The following ZSWIM5 variants were observed in gnomAD, a reference collection of about 807,000 sequenced individuals.
ZSWIM5 encodes zinc finger SWIM domain-containing protein 5.
ZSWIM5 carries 55 observed loss-of-function variants against 119.6 expected under a neutral mutation model. The observed-to-expected ratio is 0.46, with a 90% CI of 0.37 to 0.58. The LOEUF (loss-of-function observed/expected upper bound fraction) is 0.58. Ranked by LOEUF, ZSWIM5 falls within the 20% of genes least tolerant of loss-of-function variation. ZSWIM5 has a pLI of 0.00. For synonymous variants in ZSWIM5, 537 were observed against 606.9 expected, an observed-to-expected ratio of 0.88 and a Z score of 1.69; for missense variants, 1,193 against 1,512.8, an observed-to-expected ratio of 0.79 and a Z score of 3.51.
At chr1:45,170,766 T>G (rs973706116) in intron 1 of ZSWIM5, among the ~76,000 whole-genome samples, 1 of 149,750 alleles carries the variant, frequency 6.7e-6, no homozygotes, top group Non-Finnish European at 1.5e-5. Context: ...TCTGTTGAGA[T>G]GGGGTCTTGC....
intron 1 of ZSWIM5, among the ~76,000 whole-genome samples, chr1:45,203,258 A>G (rs780337832): frequency 2.6e-4 from 39 of 152,182 alleles, no homozygotes; most frequent in Middle Eastern, 6.8e-3. Flanking sequence ...TTTTGTGTGG[A>G]AAGTAATTAG....
chr1:45,110,121 C>A (rs1645508111), intron 1 of ZSWIM5, among the ~76,000 whole-genome samples: 1 of 152,164 alleles, frequency 6.6e-6, no homozygotes. Flanking sequence ...CCCACCTTGG[C>A]CTCCCAAAGT....
chr1:45,044,377 C>T (rs1645034609), intron 5 of ZSWIM5, among the ~76,000 whole-genome samples: 1 of 151,672 alleles, frequency 6.6e-6, no homozygotes, highest in Non-Finnish European at 1.5e-5. Context: ...TGTTTGAGTC[C>T]AGGAGTTTGA....
rs1014561982 is a variant in ZSWIM5, at chr1:45,206,412, G to C, written c.-62C>G. ...CTGCTCGGGCTGCGGCGGAGACCCT[G>C]GCCACGGCCACGCGCCCCGCGCAAG... On this transcript the variant is annotated 5_prime_UTR_variant, in exon 1 of 14. Transcript: ENST00000359600. 412 of 1,295,644 alleles carry C rather than the reference G, an allele frequency of 3.2e-4. 6 individuals are homozygous for C. In the East Asian group the frequency reaches 0.013, roughly 40 times the overall value. 80.3% of individuals were successfully genotyped at this position (1,295,644 alleles called of 1,614,324 possible).
intron 1 of ZSWIM5, among the ~76,000 whole-genome samples, chr1:45,098,552 T>C (rs995569928): frequency 8.5e-5 from 13 of 152,188 alleles, no homozygotes; most frequent in Admixed American, 1.3e-4. Context: ...GCAGACCTAA[T>C]AGACATCTAC....
intron 11 of ZSWIM5, among the ~76,000 whole-genome samples, chr1:45,023,751 C>T (rs956558107): frequency 1.3e-5 from 2 of 152,140 alleles, no homozygotes; most frequent in Admixed American, 6.6e-5. Context: ...CTGGGTCATA[C>T]AGTAATACTA....
chr1:45,166,451 G>A (rs1645904132), intron 1 of ZSWIM5, among the ~76,000 whole-genome samples: 1 of 152,066 alleles, frequency 6.6e-6, no homozygotes, highest in South Asian at 2.1e-4. Context: ...TCAACATAGT[G>A]TTGGAAGTTC....
intron 2 of ZSWIM5, among the ~76,000 whole-genome samples, chr1:45,086,641 A>C (rs1440680694): frequency 2.6e-5 from 4 of 152,052 alleles, no homozygotes; most frequent in Non-Finnish European, 5.9e-5. Flanking sequence ...CGCGGGGTGG[A>C]GGGCAGGGGA....
chr1:45,180,703 C>T (rs1570188881), intron 1 of ZSWIM5, among the ~76,000 whole-genome samples: 1 of 152,218 alleles, frequency 6.6e-6, no homozygotes, highest in South Asian at 2.1e-4. Flanking sequence ...CAGACTGACA[C>T]CTCACACGGC....
chr1:45,130,619 C>T (rs1332613776), intron 1 of ZSWIM5, among the ~76,000 whole-genome samples: 1 of 151,916 alleles, frequency 6.6e-6, no homozygotes, highest in Non-Finnish European at 1.5e-5. Context: ...GCAGAAAAAC[C>T]GAATCACTTG....
chr1:45,147,227 A>G (rs2149036492), intron 1 of ZSWIM5, among the ~76,000 whole-genome samples: 1 of 152,242 alleles, frequency 6.6e-6, no homozygotes, highest in Admixed American at 6.5e-5. Flanking sequence ...GGCATTCACC[A>G]TCATGCCCGG....
chr1:45,061,831 C>T (rs1343081345), intron 2 of ZSWIM5, among the ~76,000 whole-genome samples: 1 of 150,952 alleles, frequency 6.6e-6, no homozygotes, highest in Non-Finnish European at 1.5e-5. Flanking sequence ...TGGCTCATGC[C>T]TGCACTCCCA....
Position 45,206,383 on chromosome 1 carries a change from G to A in ZSWIM5, c.-33C>T. 1.5e-6 allele frequency: 2 copies of A among 1,356,824 alleles called. No homozygotes were observed. Among genetic ancestry groups the A allele is most frequent in the Non-Finnish European group, 1.9e-6 (2 of 1,057,510 alleles). 84.0% of individuals were successfully genotyped at this position (1,356,824 alleles called of 1,614,324 possible). ...GACTGACTGACTGACTGAGGCGGCG[G>A]CGGCTGCTCGGGCTGCGGCGGAGAC... is the stretch of plus-strand genomic sequence containing the variant. On this transcript the variant is annotated 5_prime_UTR_variant, in exon 1 of 14. Transcript: ENST00000359600.
intron 11 of ZSWIM5, among the ~76,000 whole-genome samples, chr1:45,031,376 G>A (rs564229449): frequency 1.3e-5 from 2 of 150,984 alleles, no homozygotes; most frequent in Non-Finnish European, 3.0e-5. Context: ...TAGAGATGGA[G>A]TTTTAGCATG....
At chr1:45,183,940 C>T (rs1276065359) in intron 1 of ZSWIM5, among the ~76,000 whole-genome samples, 1 of 152,100 alleles carries the variant, frequency 6.6e-6, no homozygotes, top group Non-Finnish European at 1.5e-5. Flanking sequence ...GGCAGAGACA[C>T]AACCAAAAAA....
At chr1:45,020,972 C>G (rs1293915868) in intron 11 of ZSWIM5, among the ~76,000 whole-genome samples, 184 bp from the exon 12 acceptor site, 1 of 152,178 alleles carries the variant, frequency 6.6e-6, no homozygotes, top group Non-Finnish European at 1.5e-5. Context: ...CTTCCCCAGA[C>G]CCCCATGTGA....
chr1:45,171,015 C>T (rs1361753098), intron 1 of ZSWIM5, among the ~76,000 whole-genome samples: 2 of 152,046 alleles, frequency 1.3e-5, no homozygotes, highest in African/African-American at 4.8e-5. Flanking sequence ...ACATTTATTT[C>T]ACAATGCAGA....
At chr1:45,061,372 C>CTTT (rs34346997) in intron 2 of ZSWIM5, among the ~76,000 whole-genome samples, 1 of 143,346 alleles carries the variant, frequency 7.0e-6, no homozygotes, top group Non-Finnish European at 1.5e-5. Context: ...TCTATGCATA[C>CTTT]TTTTTTTTTT....
intron 1 of ZSWIM5, among the ~76,000 whole-genome samples, chr1:45,171,220 A>G (rs1612575): frequency 0.063 from 9,562 of 152,146 alleles, 379 homozygotes; most frequent in East Asian, 0.11. Context: ...AATAGCATAT[A>G]TTCCTCCAGG....
Sources: allele counts gnomAD v4.1 joint callset (sites outside exome capture counted in the v4.1 genomes callset), GRCh38; gene constraint gnomAD v4.1.1; transcripts MANE v1.5; gene names NCBI Gene and HGNC (gene_info 2026-07-23, HGNC 2026-07-21).